The following VPS13A variants were observed in gnomAD, a reference collection of about 807,000 sequenced individuals.
VPS13A encodes the protein intermembrane lipid transfer protein VPS13A.
In VPS13A, 264 loss-of-function variants were observed where a neutral mutation model predicts 390.9. The ratio of observed to expected loss-of-function variants is 0.68; its 90% CI spans 0.61 to 0.75. VPS13A has a LOEUF of 0.75. Ranked by LOEUF, VPS13A falls within the 30% of genes least tolerant of loss-of-function variation. The probability of loss-of-function intolerance (pLI) is 0.00; values close to 1 mark genes in which losing one functional copy is unlikely to be tolerated. For missense variants in VPS13A, 3,409 were observed against 3,733.9 expected, an observed-to-expected ratio of 0.91 and a Z score of 2.27; for synonymous variants, 1,231 against 1,227.1, an observed-to-expected ratio of 1.00 and a Z score of -0.07.
At chr9:77,276,673 G>A (rs1475259139) in intron 26 of VPS13A, among the ~76,000 whole-genome samples, 2 of 152,156 alleles carry the variant, frequency 1.3e-5, no homozygotes, top group Admixed American at 6.5e-5. Context: ...TGTTCAGTCA[G>A]GTGTTGACAA....
chr9:77,313,824 T>G (rs1247858587), intron 35 of VPS13A, among the ~76,000 whole-genome samples, 168 bp from the exon 36 acceptor site: 1 of 152,204 alleles, frequency 6.6e-6, no homozygotes, highest in East Asian at 1.9e-4. Context: ...GAAAGAGTCC[T>G]AAGCCAGAAG....
chr9:77,355,714 C>T (rs1587648334), intron 54 of VPS13A, among the ~76,000 whole-genome samples: 1 of 152,202 alleles, frequency 6.6e-6, no homozygotes, highest in Admixed American at 6.5e-5. Flanking sequence ...ATAGCTCCTT[C>T]TAGTTATGCA....
chr9:77,297,457 G>A (rs56051899), intron 33 of VPS13A, among the ~76,000 whole-genome samples: 1 of 151,836 alleles, frequency 6.6e-6, no homozygotes, highest in African/African-American at 2.4e-5. Context: ...TAAAACAATA[G>A]TAAACTGGGA....
chr9:77,314,987 T>C (rs985039577), intron 37 of VPS13A, among the ~76,000 whole-genome samples: 1 of 152,146 alleles, frequency 6.6e-6, no homozygotes, highest in Non-Finnish European at 1.5e-5. Context: ...CAATGGGAAG[T>C]ACATAAAAAA....
chr9:77,196,919 A>G (rs1470994369), intron 1 of VPS13A, among the ~76,000 whole-genome samples: 1 of 152,152 alleles, frequency 6.6e-6, no homozygotes, highest in African/African-American at 2.4e-5. Flanking sequence ...GAACTTCCAT[A>G]GTGTGTTTTA....
At position 77,282,183 on chromosome 9, in the gene VPS13A, T is replaced by C. The variant is rs1006428694; in HGVS notation, c.3027T>C (p.Tyr1009=). The C allele has an allele frequency of 1.2e-6, 2 of 1,613,416 alleles. No homozygotes were observed. The highest frequency in any genetic ancestry group is 3.3e-5 in the Admixed American group (2 of 59,984). Residue 1009 remains tyrosine (Y), a synonymous_variant, in exon 29 of 72, where the codon TAT becomes TAC. Coordinates refer to ENST00000360280, the MANE Select transcript of VPS13A (RefSeq NM_033305.3). ...HTEALLNTIN[Y]LHNILPQSEE... ...AAGCACTTCTGAATACAATAAATTA[T>C]CTTCATAATATCCTTCCGCAATCAG...
chr9:77,236,078 G>A (rs865844520), intron 17 of VPS13A, among the ~76,000 whole-genome samples: 1 of 152,236 alleles, frequency 6.6e-6, no homozygotes, highest in Middle Eastern at 3.4e-3. Context: ...GGGTAGGCTA[G>A]GCTAGGCTAT....
intron 22 of VPS13A, among the ~76,000 whole-genome samples, chr9:77,257,643 A>G (rs911312646): frequency 3.9e-5 from 6 of 152,126 alleles, no homozygotes; most frequent in African/African-American, 1.4e-4. Flanking sequence ...GTGCATGCCT[A>G]TAGTCCTAGC....
At chr9:77,395,268 A>G (rs1306175881) in intron 68 of VPS13A, among the ~76,000 whole-genome samples, 1 of 152,108 alleles carries the variant, frequency 6.6e-6, no homozygotes, top group Non-Finnish European at 1.5e-5. Flanking sequence ...TAATTTCAAT[A>G]TTGTTGTTTC....
chr9:77,359,414 A>C lies in VPS13A; in HGVS notation c.8105+12A>C. The C allele has an allele frequency of 1.9e-6, 3 of 1,598,206 alleles. No homozygotes were observed. The highest frequency in any genetic ancestry group is 1.7e-5 in the Admixed American group (1 of 59,952). The stretch of plus-strand genomic sequence containing the variant: ...ATATCACGTATTAAGTAAGTGTCTT[A>C]ATACATTTCTTGTATATTTATTTAA... On this transcript the variant is annotated intron_variant, in intron 58 of 71. Coordinates refer to ENST00000360280, the MANE Select transcript of VPS13A (RefSeq NM_033305.3).
intron 19 of VPS13A, among the ~76,000 whole-genome samples, chr9:77,240,480 T>TATG (rs1824418106): frequency 1.3e-4 from 4 of 30,594 alleles, no homozygotes; most frequent in Non-Finnish European, 2.4e-4. Context: ...ATGTTTTTGT[T>TATG]TTTTTTTTTT....
rs1285025274 is a variant in VPS13A, at chr9:77,249,496, GA to G, written c.2038-594del. On this transcript the variant is annotated intron_variant, in intron 20 of 71. Transcript: ENST00000360280. ...TTACTTCACATGAGCTATATAGAGG[GA>G]AAAAAAGTTAAAAAATGTATGTGTA... Among the ~76,000 whole-genome samples, 7 of 151,802 alleles carry G rather than the reference GA, an allele frequency of 4.6e-5. No individual in the cohort carries two copies. The South Asian group carries it at 1.0e-3, about 22-fold the overall frequency.
At chr9:77,214,594 A>G (rs954601194) in intron 10 of VPS13A, among the ~76,000 whole-genome samples, 23 of 152,104 alleles carry the variant, frequency 1.5e-4, no homozygotes, top group South Asian at 4.1e-4. Context: ...TTTCAAAACT[A>G]TAGGGGAAAA....
chr9:77,274,312 C>T (rs891788001), intron 24 of VPS13A, among the ~76,000 whole-genome samples: 5 of 151,554 alleles, frequency 3.3e-5, no homozygotes, highest in African/African-American at 1.2e-4. Context: ...CCTGTAGTCC[C>T]GGCGACTCGG....
intron 45 of VPS13A, among the ~76,000 whole-genome samples, chr9:77,329,303 A>C (rs924374634): frequency 6.6e-6 from 1 of 152,184 alleles, no homozygotes; most frequent in Non-Finnish European, 1.5e-5. Flanking sequence ...TTTCCTTTGC[A>C]TTCACAACTT....
chr9:77,260,212 C>A lies in VPS13A; in HGVS notation c.2415C>A (p.Val805=). Residue 805 remains valine (V), a synonymous_variant, in exon 23 of 72, where the codon GTC becomes GTA. Transcript: ENST00000360280. ...CAGTAACTGAAGTATCTGCCCCTGT[C>A]AAATCATTCCAGGTAATGTTACTTT... ...PEPVTEVSAP[V]KSFQIQTSTS... is the part of the protein sequence containing the mutation. The A allele has an allele frequency of 6.2e-7, 1 of 1,613,164 alleles. No homozygotes were observed. The highest frequency in any genetic ancestry group is 1.1e-5 in the South Asian group (1 of 90,876).
chr9:77,208,052 A>G (rs1825777566), intron 5 of VPS13A, among the ~76,000 whole-genome samples: 1 of 152,220 alleles, frequency 6.6e-6, no homozygotes, highest in Admixed American at 6.5e-5. Flanking sequence ...CATATCATGG[A>G]ATCTGAGCTG....
chr9:77,362,140 T>C (rs1028119193), intron 59 of VPS13A, among the ~76,000 whole-genome samples: 10 of 152,166 alleles, frequency 6.6e-5, no homozygotes, highest in African/African-American at 2.4e-4. Flanking sequence ...ATGTTGTCTA[T>C]TGAAAATCAA....
At position 77,337,379 on chromosome 9, in the gene VPS13A, A is replaced by G. The variant is rs1269825138; in HGVS notation, c.6220A>G (p.Lys2074Glu). Residue 2074 changes from lysine (K) to glutamate (E), a missense_variant, in exon 47 of 72, where the codon AAG becomes GAG. By Grantham distance (56) the Lys-to-Glu change is moderately conservative. Coordinates refer to ENST00000360280, the MANE Select transcript of VPS13A (RefSeq NM_033305.3). ...GAAATGTAGATCTAAAAACCCTTCT[A>G]AGGAATCATTTCTCATTAATATTGT... Reference protein sequence around the residue: ...KKKCRSKNPSKESFLINIVPE... With the variant: ...KKKCRSKNPSEESFLINIVPE... 5 of 1,612,490 alleles carry G rather than the reference A, an allele frequency of 3.1e-6. No homozygotes were observed. Among genetic ancestry groups the G allele is most frequent in the East Asian group, 2.2e-5 (1 of 44,756 alleles).
Sources: gnomAD v4.1 joint callset for allele counts (sites outside exome capture counted in the v4.1 genomes callset) on GRCh38, gnomAD v4.1.1 for gene constraint, MANE v1.5 for transcripts, NCBI Gene and HGNC (gene_info 2026-07-23, HGNC 2026-07-21) for gene names.